TBC1D1: variants seen among roughly 807,000 people sequenced by gnomAD.
The protein encoded by TBC1D1 is TBC1 domain family member 1.
Under a neutral mutation model 125.6 loss-of-function variants are expected in TBC1D1, and 89 were observed. The observed-to-expected ratio is 0.71, with a 90% CI of 0.60 to 0.85. The LOEUF is 0.85. Ranked by LOEUF, TBC1D1 falls within the 40% of genes least tolerant of loss-of-function variation. The pLI is 0.00. For missense variants in TBC1D1, 1,377 were observed against 1,469.2 expected (o/e 0.94, Z 1.03); for synonymous variants, 565 against 564.1 (o/e 1.00, Z -0.02).
intron 15 of TBC1D1, 108 bp from the exon 18 acceptor site, chr4:38,115,602 C>T: frequency 8.5e-7 from 1 of 1,178,664 alleles, no homozygotes; most frequent in Non-Finnish European, 1.2e-6. Context: ...TATTATGATC[C>T]AGCTTCTAAA....
intron 13 of TBC1D1, among the ~76,000 whole-genome samples, chr4:38,095,409 A>G (rs1759156454): frequency 6.6e-6 from 1 of 152,186 alleles, no homozygotes; most frequent in Non-Finnish European, 1.5e-5. Flanking sequence ...CATATATTTG[A>G]GAGATGTCAT....
At chr4:38,062,872 G>T (rs1456197024) in intron 12 of TBC1D1, among the ~76,000 whole-genome samples, 2 of 152,182 alleles carry the variant, frequency 1.3e-5, no homozygotes, top group African/African-American at 2.4e-5. Context: ...CTGCTTGGTA[G>T]GAGGGCTGAG....
intron 5 of TBC1D1, among the ~76,000 whole-genome samples, chr4:38,021,317 T>C (rs1743978412): frequency 6.6e-6 from 1 of 152,216 alleles, no homozygotes; most frequent in Non-Finnish European, 1.5e-5. Context: ...ATGGGAATTA[T>C]GGGAGCTACA....
chr4:37,931,572 G>C (rs1051248291), intron 2 of TBC1D1, among the ~76,000 whole-genome samples: 1 of 151,876 alleles, frequency 6.6e-6, no homozygotes, highest in Non-Finnish European at 1.5e-5. Context: ...CCGCCTCCCG[G>C]GTTCAAGCGA....
At chr4:38,020,151 A>G (rs1743691008) in intron 4 of TBC1D1, among the ~76,000 whole-genome samples, 1 of 152,208 alleles carries the variant, frequency 6.6e-6, no homozygotes, top group South Asian at 2.1e-4. Context: ...TTGAAATTTT[A>G]AAATATCAGA....
chr4:38,022,797 A>G (rs1040017121), intron 6 of TBC1D1, among the ~76,000 whole-genome samples: 8 of 152,056 alleles, frequency 5.3e-5, no homozygotes, highest in African/African-American at 1.7e-4. Flanking sequence ...AGTTTTCACC[A>G]CTCTGTTCTT....
chr4:37,986,609 C>T (rs1735519183), intron 2 of TBC1D1, among the ~76,000 whole-genome samples: 1 of 152,024 alleles, frequency 6.6e-6, no homozygotes, highest in African/African-American at 2.4e-5. Context: ...CCGTGCCTGG[C>T]TAATTTTTGT....
intron 12 of TBC1D1, among the ~76,000 whole-genome samples, chr4:38,074,325 C>T (rs1560739707): frequency 6.6e-6 from 1 of 152,192 alleles, no homozygotes; most frequent in Non-Finnish European, 1.5e-5. Flanking sequence ...ATGCTTCACT[C>T]TTTACAATCA....
chr4:37,966,524 ACATTTTC>A (rs1327991799), intron 2 of TBC1D1, among the ~76,000 whole-genome samples: 6 of 152,254 alleles, frequency 3.9e-5, no homozygotes, highest in African/African-American at 1.4e-4. Context: ...AGGCCAATGG[ACATTTTC>A]AATTATGTAC....
intron 2 of TBC1D1, among the ~76,000 whole-genome samples, chr4:37,943,595 A>G (rs111779015): frequency 3.2e-4 from 48 of 152,288 alleles, no homozygotes; most frequent in African/African-American, 1.1e-3. Context: ...TTGATCTTCA[A>G]TCACTGATAT....
intron 2 of TBC1D1, among the ~76,000 whole-genome samples, chr4:37,975,169 A>G (rs750603932): frequency 1.4e-4 from 21 of 152,180 alleles, no homozygotes; most frequent in African/African-American, 2.7e-4. Context: ...GCCATCTCCA[A>G]TGATAGGTAA....
intron 14 of TBC1D1, 82 bp from the exon 17 acceptor site, chr4:38,102,917 G>T: frequency 7.2e-7 from 1 of 1,384,950 alleles, no homozygotes; most frequent in Non-Finnish European, 9.8e-7. Context: ...TTGGATAAAT[G>T]GAACATGAAA....
intron 3 of TBC1D1, among the ~76,000 whole-genome samples, chr4:38,018,068 T>G (rs1743192967): frequency 6.6e-6 from 1 of 152,226 alleles, no homozygotes; most frequent in Non-Finnish European, 1.5e-5. Flanking sequence ...GGTTCACTTA[T>G]GCGGAGACCT....
intron 2 of TBC1D1, among the ~76,000 whole-genome samples, chr4:37,908,351 G>A (rs953825221): frequency 6.6e-6 from 1 of 151,988 alleles, no homozygotes; most frequent in South Asian, 2.1e-4. Context: ...GATTACAGGC[G>A]CCCGCCACCA....
intron 19 of TBC1D1, among the ~76,000 whole-genome samples, chr4:38,136,212 G>A (rs1399103355): frequency 2.0e-5 from 3 of 152,144 alleles, no homozygotes; most frequent in African/African-American, 7.2e-5. Context: ...AGAGACGAGG[G>A]ACAGTTGCTA....
At chr4:38,085,938 G>A (rs932572045) in intron 12 of TBC1D1, among the ~76,000 whole-genome samples, 1 of 152,192 alleles carries the variant, frequency 6.6e-6, no homozygotes, top group East Asian at 1.9e-4. Context: ...GACTGCACAC[G>A]CCTGAAGGAG....
In TBC1D1 at chr4:38,137,302, T is replaced by G. The variant is rs1226085220; in HGVS notation, c.3474T>G (p.Pro1158=). Residue 1158 remains proline (P), a synonymous_variant, in exon 20 of 20, where the codon CCT becomes CCG. Coordinates refer to ENST00000261439, the MANE Select transcript of TBC1D1 (RefSeq NM_015173.4). ...GCGCAGAGCCCAGCGACCGGGAGCC[T>G]GAGTGCACGCAGCCCGAGCCCACGG... The G allele has an allele frequency of 1.9e-6, 3 of 1,611,226 alleles. No individual in the cohort carries two copies. The Admixed American group carries it at 5.0e-5, about 27-fold the overall frequency.
In TBC1D1 at chr4:38,104,893, C is replaced by T. The variant is rs185028041; in HGVS notation, c.2557+1736C>T. On this transcript the variant is annotated intron_variant, in intron 15 of 19. Transcript: ENST00000261439. The stretch of plus-strand genomic sequence containing the variant: ...GCCTCAGTCTCCCAAGTAGCTGGGA[C>T]TACAGGTGCCCGCCACCATGCCTAG... Among the ~76,000 whole-genome samples the T allele has an allele frequency of 2.0e-3, 303 of 152,094 alleles. 1 individual carries two copies. Among genetic ancestry groups the T allele is most frequent in the Admixed American group, 8.7e-3 (133 of 15,288 alleles).
At chr4:38,098,591 C>T (rs1759772799) in intron 14 of TBC1D1, among the ~76,000 whole-genome samples, 2 of 152,220 alleles carry the variant, frequency 1.3e-5, no homozygotes, top group African/African-American at 4.8e-5. Context: ...GACTTTGCCA[C>T]ATCACTTTTT....
Sources: gnomAD v4.1 joint callset for allele counts (sites outside exome capture counted in the v4.1 genomes callset) on GRCh38, gnomAD v4.1.1 for gene constraint, MANE v1.5 for transcripts, NCBI Gene and HGNC (gene_info 2026-07-23, HGNC 2026-07-21) for gene names.